The following CCDC198 variants were observed in gnomAD, a reference collection of about 807,000 sequenced individuals.
The protein encoded by CCDC198 is coiled-coil domain containing 198.
CCDC198 carries 18 observed loss-of-function variants against 35.6 expected under a neutral mutation model. That is an observed-to-expected ratio of 0.51 (90% CI 0.35 to 0.75). CCDC198 has a LOEUF of 0.75. CCDC198 is among the 30% of genes least tolerant of loss of function. CCDC198 has a pLI of 0.01. For synonymous variants in CCDC198, 119 were observed against 113.4 expected (o/e 1.05, Z -0.31); for missense variants, 365 against 343.7 (o/e 1.06, Z -0.49).
At chr14:57,479,765 C>T (rs1421841619) in intron 5 of CCDC198, among the ~76,000 whole-genome samples, 1 of 151,972 alleles carries the variant, frequency 6.6e-6, no homozygotes, top group African/African-American at 2.4e-5. Flanking sequence ...TGGGCATAAC[C>T]CCTGCAGTTT....
intron 5 of CCDC198, chr14:57,480,113 C>CTTGGGGCAGTGA: frequency 4.5e-6 from 1 of 220,496 alleles, no homozygotes; most frequent in Non-Finnish European, 7.7e-6. Context: ...GAACAGCAAG[C>CTTGGGGCAGTGA]TTAGGTTGGG....
At chr14:57,478,189 G>T (rs548751667) in intron 5 of CCDC198, among the ~76,000 whole-genome samples, 1 of 152,096 alleles carries the variant, frequency 6.6e-6, no homozygotes, top group African/African-American at 2.4e-5. Context: ...TTCAGAAGTC[G>T]CAGAGTGCAG....
At chr14:57,489,045 A>G (rs2067468542) in intron 2 of CCDC198, among the ~76,000 whole-genome samples, 1 of 152,208 alleles carries the variant, frequency 6.6e-6, no homozygotes, top group African/African-American at 2.4e-5. Flanking sequence ...AGGAATATAA[A>G]TCATTCTATT....
intron 5 of CCDC198, among the ~76,000 whole-genome samples, chr14:57,472,550 C>T (rs983323908): frequency 6.6e-6 from 1 of 152,190 alleles, no homozygotes; most frequent in Non-Finnish European, 1.5e-5. Context: ...TTCTGACATT[C>T]ACATCAACTC....
At chr14:57,486,299 G>A (rs75174615) in intron 2 of CCDC198, among the ~76,000 whole-genome samples, 2 of 152,134 alleles carry the variant, frequency 1.3e-5, no homozygotes, top group Admixed American at 6.5e-5. Flanking sequence ...TGTGAACTCC[G>A]TGGATAATTA....
chr14:57,491,573 C>T (rs537836450), intron 1 of CCDC198, among the ~76,000 whole-genome samples: 1 of 152,016 alleles, frequency 6.6e-6, no homozygotes, highest in African/African-American at 2.4e-5. Flanking sequence ...TTCAATAGCC[C>T]CTTTAGTGAA....
intron 5 of CCDC198, among the ~76,000 whole-genome samples, chr14:57,472,019 CTACAA>C (rs1428194562): frequency 6.6e-6 from 1 of 151,976 alleles, no homozygotes; most frequent in Non-Finnish European, 1.5e-5. Context: ...CTCTGCATAA[CTACAA>C]TACAATTATT....
At chr14:57,476,973 T>C (rs967420508) in intron 5 of CCDC198, among the ~76,000 whole-genome samples, 3 of 152,206 alleles carry the variant, frequency 2.0e-5, no homozygotes, top group African/African-American at 7.2e-5. Flanking sequence ...GGCTGTCGCC[T>C]CAGGAGTCAG....
chr14:57,480,637 G>T lies in CCDC198; in HGVS notation c.613C>A (p.Leu205Ile), dbSNP rs1212608075. ...ATTTCATCAGGCAACATGGTTAGAAGGTCATGGTCATCATTCCTTGGGGTG... is the reference window on the plus strand; with the variant it reads ...ATTTCATCAGGCAACATGGTTAGAATGTCATGGTCATCATTCCTTGGGGTG... ...QSTPRNDDHD[L>I]LTMLPDEILN... Residue 205 changes from leucine (L) to isoleucine (I), a missense_variant, in exon 5 of 6, where the codon CTT (leucine) becomes ATT (isoleucine). Transcript: ENST00000216445. 2 of 1,614,136 alleles carry T rather than the reference G, an allele frequency of 1.2e-6. No homozygotes were observed. Among genetic ancestry groups the T allele is most frequent in the African/African-American group, 1.3e-5 (1 of 75,038 alleles).
Position 57,493,683 on chromosome 14 carries a change from C to T in CCDC198, c.33G>A (p.Arg11=). 1 of 1,613,602 alleles carries T rather than the reference C, an allele frequency of 6.2e-7. No individual in the cohort carries two copies. The highest frequency in any genetic ancestry group is 8.5e-7 in the Non-Finnish European group (1 of 1,179,782). Residue 11 remains arginine (R), a synonymous_variant, in exon 1 of 6, where the codon AGG becomes AGA. Coordinates refer to ENST00000216445, the MANE Select transcript of CCDC198 (RefSeq NM_018168.4). Reference sequence around the variant, plus strand: ...TTTGCAAAGGTGCTACTTTGATCACCCTAAGGTGAGTCTTAGAGTGACTCA... The same window carrying T: ...TTTGCAAAGGTGCTACTTTGATCACTCTAAGGTGAGTCTTAGAGTGACTCA... MGLSHSKTHL[R]VIKVAPLQNK...
intron 2 of CCDC198, among the ~76,000 whole-genome samples, chr14:57,489,197 A>C (rs2067475344): frequency 6.6e-6 from 1 of 152,186 alleles, no homozygotes; most frequent in African/African-American, 2.4e-5. Flanking sequence ...GCAGCCACAA[A>C]AAGGAACGAG....
rs939958513 is a variant in CCDC198 at position 57,480,883 on chromosome 14, T to C, written c.496-129A>G. On this transcript the variant is annotated intron_variant, in intron 4 of 5. Coordinates refer to ENST00000216445, the MANE Select transcript of CCDC198 (RefSeq NM_018168.4). ...CATCTGCAGTCCTCTAACCAGAACA[T>C]GGTTTTCTTTTTCCTATTAGAAGGT... 7 of 895,356 alleles carry C rather than the reference T, an allele frequency of 7.8e-6. No individual in the cohort carries two copies. The African/African-American group carries it at 1.0e-4, about 13-fold the overall frequency. 55.5% of individuals were successfully genotyped at this position (895,356 alleles called of 1,614,324 possible).
chr14:57,487,233 G>A (rs1495463), intron 2 of CCDC198, among the ~76,000 whole-genome samples: 36,773 of 152,064 alleles, frequency 0.24, 5,679 homozygotes, highest in East Asian at 0.8. Flanking sequence ...AGTATCATTT[G>A]TCTAAAGACT....
At chr14:57,490,588 G>A (rs527328364) in intron 2 of CCDC198, among the ~76,000 whole-genome samples, 2 of 152,180 alleles carry the variant, frequency 1.3e-5, no homozygotes, top group South Asian at 4.1e-4. Context: ...CTTTTTCATA[G>A]GTGGCTAAGA....
intron 3 of CCDC198, 148 bp downstream of exon 3, chr14:57,482,917 G>A (rs922619514): frequency 3.6e-5 from 40 of 1,109,052 alleles, no homozygotes; most frequent in Admixed American, 4.8e-5. Flanking sequence ...GCTTTGAAAA[G>A]TTCTCACTCT....
At chr14:57,480,841 G>A in intron 4 of CCDC198, 87 bp from the exon 5 acceptor site, 1 of 1,398,978 alleles carries the variant, frequency 7.1e-7, no homozygotes, top group Non-Finnish European at 1.0e-6. Flanking sequence ...TTTGCAAGTT[G>A]TGTGCTTATC....
chr14:57,493,277 C>T (rs1027013647), intron 1 of CCDC198, among the ~76,000 whole-genome samples: 1 of 152,078 alleles, frequency 6.6e-6, no homozygotes, highest in Non-Finnish European at 1.5e-5. Context: ...AGTGAAAAGT[C>T]CTTTGTACAG....
intron 2 of CCDC198, among the ~76,000 whole-genome samples, chr14:57,488,126 T>TA (rs2067428922): frequency 6.6e-6 from 1 of 152,178 alleles, no homozygotes; most frequent in Admixed American, 6.5e-5. Context: ...AACTGTAAGA[T>TA]ACAAGCTCAG....
At chr14:57,490,696 T>C (rs755373516) in intron 2 of CCDC198, among the ~76,000 whole-genome samples, 10 of 152,158 alleles carry the variant, frequency 6.6e-5, no homozygotes, top group Non-Finnish European at 1.5e-4. Context: ...TTATTACAAG[T>C]TGTTTTCCCA....
Sources: allele counts gnomAD v4.1 joint callset (sites outside exome capture counted in the v4.1 genomes callset), GRCh38; gene constraint gnomAD v4.1.1; transcripts MANE v1.5; gene names NCBI Gene and HGNC (gene_info 2026-07-23, HGNC 2026-07-21).